Variants in IMPG1 observed in about 807,000 individuals in gnomAD.
IMPG1 encodes interphotoreceptor matrix proteoglycan 1.
Under a neutral mutation model 92.0 loss-of-function variants are expected in IMPG1, and 85 were observed. The ratio of observed to expected loss-of-function variants is 0.92; its 90% CI spans 0.78 to 1.11. The LOEUF (loss-of-function observed/expected upper bound fraction) is 1.11, where lower values mean the gene tolerates loss of function less well. IMPG1 is among the 50% of genes least tolerant of loss of function. IMPG1 has a pLI of 0.00. For synonymous variants in IMPG1, 367 were observed against 334.1 expected (o/e 1.10, Z -1.08); for missense variants, 1,022 against 956.0 (o/e 1.07, Z -0.91).
chr6:75,982,557 C>CTATCTATA (rs902630586), intron 12 of IMPG1, among the ~76,000 whole-genome samples: 5 of 149,216 alleles, frequency 3.4e-5, no homozygotes, highest in Non-Finnish European at 4.5e-5. Context: ...ATCTATCTAT[C>CTATCTATA]TATCTATATA....
In IMPG1 at chr6:75,956,264, C is replaced by G. The variant is rs553584836; in HGVS notation, c.1292-5170G>C. Among the ~76,000 whole-genome samples the G allele has an allele frequency of 3.4e-4, 52 of 152,302 alleles. No individual in the cohort carries two copies. The East Asian group carries it at 4.0e-3, about 12-fold the overall frequency. On this transcript the variant is annotated intron_variant, in intron 12 of 16. Transcript: ENST00000369950. ...GTTGGTAGGTTATTAATTACTGCCT[C>G]AATTTCAGAACTTGTTATTGGTCTA...
intron 14 of IMPG1, among the ~76,000 whole-genome samples, chr6:75,946,954 T>C (rs931575768): frequency 6.6e-6 from 1 of 152,160 alleles, no homozygotes; most frequent in Admixed American, 6.5e-5. Context: ...TGCAGAGCAC[T>C]GAGAAAGTGC....
chr6:75,998,328 A>G (rs1285816208), intron 12 of IMPG1, among the ~76,000 whole-genome samples: 2 of 152,236 alleles, frequency 1.3e-5, no homozygotes, highest in Non-Finnish European at 2.9e-5. Context: ...CAATATAGGA[A>G]TGAATAGAGA....
At chr6:76,014,218 C>T (rs545918496) in intron 7 of IMPG1, among the ~76,000 whole-genome samples, 2 of 152,340 alleles carry the variant, frequency 1.3e-5, no homozygotes, top group East Asian at 1.9e-4. Flanking sequence ...TTCTTATTCT[C>T]TACTTCTCCT....
chr6:76,019,549 T>C (rs1019003742), intron 6 of IMPG1, among the ~76,000 whole-genome samples: 1 of 152,180 alleles, frequency 6.6e-6, no homozygotes, highest in African/African-American at 2.4e-5. Flanking sequence ...TTCCTCCTCA[T>C]TTCTTGTCAC....
chr6:75,945,917 C>G (rs758902884), intron 14 of IMPG1, among the ~76,000 whole-genome samples: 3 of 152,168 alleles, frequency 2.0e-5, no homozygotes, highest in Non-Finnish European at 4.4e-5. Flanking sequence ...CTCACGTTGA[C>G]CTTCTTGTGC....
chr6:76,020,690 A>G (rs956236974), intron 6 of IMPG1, among the ~76,000 whole-genome samples: 8 of 152,142 alleles, frequency 5.3e-5, no homozygotes, highest in Admixed American at 4.6e-4. Flanking sequence ...CCAAAGCTCT[A>G]CACACATGGC....
intron 10 of IMPG1, among the ~76,000 whole-genome samples, chr6:76,004,629 C>T (rs1411286488): frequency 2.6e-5 from 4 of 152,180 alleles, no homozygotes; most frequent in Non-Finnish European, 4.4e-5. Context: ...GGACTGCCCT[C>T]TGAGGATCCT....
chr6:76,020,658 G>A (rs1183796014), intron 6 of IMPG1, among the ~76,000 whole-genome samples: 1 of 152,106 alleles, frequency 6.6e-6, no homozygotes, highest in Non-Finnish European at 1.5e-5. Flanking sequence ...CTCCTTTGGG[G>A]CCTACTGCCT....
intron 15 of IMPG1, among the ~76,000 whole-genome samples, chr6:75,925,855 AG>A (rs1781540686): frequency 6.6e-6 from 1 of 151,422 alleles, no homozygotes; most frequent in African/African-American, 2.4e-5. Flanking sequence ...TAGTAGAGAC[AG>A]GGTTTCACCA....
chr6:75,980,782 A>G (rs1383022461), intron 12 of IMPG1, among the ~76,000 whole-genome samples: 1 of 152,116 alleles, frequency 6.6e-6, no homozygotes, highest in Non-Finnish European at 1.5e-5. Context: ...CAGATGGCCT[A>G]TTGTGGGACT....
intron 2 of IMPG1, among the ~76,000 whole-genome samples, chr6:76,037,481 T>C (rs1783760967): frequency 6.6e-6 from 1 of 152,236 alleles, no homozygotes; most frequent in African/African-American, 2.4e-5. Flanking sequence ...AACTGTCTAC[T>C]GCCAGGCAAG....
intron 15 of IMPG1, among the ~76,000 whole-genome samples, chr6:75,926,778 A>G (rs1781560406): frequency 6.6e-6 from 1 of 152,070 alleles, no homozygotes; most frequent in South Asian, 2.1e-4. Flanking sequence ...ATCTATGTAT[A>G]CAACATCTAA....
At chr6:76,046,849 T>C (rs1452058629) in intron 1 of IMPG1, among the ~76,000 whole-genome samples, 4 of 152,202 alleles carry the variant, frequency 2.6e-5, no homozygotes, top group African/African-American at 7.2e-5. Flanking sequence ...TTCCTTTCCT[T>C]ACCCCCCTTT....
intron 4 of IMPG1, among the ~76,000 whole-genome samples, chr6:76,029,698 T>C (rs1176021673): frequency 1.3e-5 from 2 of 152,110 alleles, no homozygotes; most frequent in African/African-American, 4.8e-5. Flanking sequence ...ATGGAATAAA[T>C]AGGGAATAAA....
intron 14 of IMPG1, 30 bp from the exon 15 acceptor site, chr6:75,931,181 T>A (rs1287899572): frequency 6.3e-7 from 1 of 1,580,438 alleles, no homozygotes; most frequent in Non-Finnish European, 8.6e-7. Flanking sequence ...TTTTAACGCA[T>A]GTATGAATAG....
rs137915302 is a variant in IMPG1 at position 76,042,010 on chromosome 6, C to G, written c.184G>C (p.Asp62His). ...YKMSTMRRIF[D>H]LAKHRTKRSA... Reference sequence around the variant, plus strand: ...CTTTTTGTTCGATGCTTTGCCAAATCGAATATTCGTCTCATAGTTGACATT... The same window carrying G: ...CTTTTTGTTCGATGCTTTGCCAAATGGAATATTCGTCTCATAGTTGACATT... The change falls in exon 2 of 17, where the codon GAT becomes CAT. Residue 62 changes from aspartate (D) to histidine (H), a missense_variant. Physicochemically the swap from Asp to His is moderately conservative, Grantham distance 81. This residue lies in a region of IMPG1 where 681 missense variants were observed against 583.6 expected (regional missense o/e 1.17). Transcript: ENST00000369950. The G allele has an allele frequency of 3.7e-6, 6 of 1,613,286 alleles. No homozygotes were observed. In the Admixed American group the frequency reaches 1.0e-4, roughly 27 times the overall value.
chr6:75,940,744 A>G (rs9343339), intron 14 of IMPG1, among the ~76,000 whole-genome samples: 10,721 of 146,538 alleles, frequency 0.073, 515 homozygotes, highest in East Asian at 0.23. Flanking sequence ...CCTTCCTTCC[A>G]ATCTGAGCTA....
rs553693049 is a variant in IMPG1 at position 76,050,397 on chromosome 6, C to T, written c.68-8271G>A. Among the ~76,000 whole-genome samples, 7 of 152,092 alleles carry T rather than the reference C, an allele frequency of 4.6e-5. No homozygotes were observed. In the East Asian group the frequency reaches 9.7e-4, roughly 21 times the overall value. On this transcript the variant is annotated intron_variant, in intron 1 of 16. Transcript: ENST00000369950. The stretch of plus-strand genomic sequence containing the variant: ...GGCGGAGGTTGCAGTGAGCAGAGAT[C>T]GTGACACTGCACTCCAGCCTGGGTG...
Sources: allele counts gnomAD v4.1 joint callset (sites outside exome capture counted in the v4.1 genomes callset), GRCh38; gene constraint gnomAD v4.1.1; regional missense constraint gnomAD v4.1.1; transcripts MANE v1.5; gene names NCBI Gene and HGNC (gene_info 2026-07-23, HGNC 2026-07-21).